AKAP13: variants seen among roughly 807,000 people sequenced by gnomAD.
AKAP13 encodes the protein A-kinase anchoring protein 13, also known as A-kinase anchor protein 13.
AKAP13 carries 80 observed loss-of-function variants against 264.5 expected under a neutral mutation model. That is an observed-to-expected ratio of 0.30 (90% CI 0.25 to 0.36). The LOEUF (loss-of-function observed/expected upper bound fraction) is 0.36. Among genes scored for constraint, AKAP13 ranks in the 10% least tolerant of loss-of-function variants. The pLI is 1.00. For synonymous variants in AKAP13, 1,380 were observed against 1,250.2 expected, an observed-to-expected ratio of 1.10 and a Z score of -2.19; for missense variants, 3,712 against 3,435.2, an observed-to-expected ratio of 1.08 and a Z score of -2.01.
Position 85,410,669 on chromosome 15 carries a change from C to T in AKAP13, c.-12+29871C>T, listed in dbSNP as rs370820873. ...TCAGATTTACCATCTGTCACCTGGACGTGCTTGTGCTGTGCTCTCTGCTTG... is the reference window on the plus strand; with the variant it reads ...TCAGATTTACCATCTGTCACCTGGATGTGCTTGTGCTGTGCTCTCTGCTTG... On this transcript the variant is annotated intron_variant, in intron 1 of 36. Coordinates refer to ENST00000394518, the MANE Select transcript of AKAP13 (RefSeq NM_007200.5). Among the ~76,000 whole-genome samples the T allele has an allele frequency of 2.0e-5, 3 of 151,482 alleles. 1 individual carries two copies. Among genetic ancestry groups the T allele is most frequent in the African/African-American group, 7.3e-5 (3 of 40,820 alleles).
chr15:85,527,064 C>T (rs970946355), intron 3 of AKAP13, among the ~76,000 whole-genome samples: 1 of 151,922 alleles, frequency 6.6e-6, no homozygotes, highest in Admixed American at 6.6e-5. Flanking sequence ...AGGCCATTCT[C>T]CTGCCTCAGC....
At chr15:85,453,517 G>A (rs923647037) in intron 1 of AKAP13, among the ~76,000 whole-genome samples, 4 of 152,352 alleles carry the variant, frequency 2.6e-5, no homozygotes, top group African/African-American at 9.6e-5. Flanking sequence ...GTCCCAGGGA[G>A]GAATGACCTG....
At chr15:85,535,799 C>CTTTTTT (rs60026361) in intron 4 of AKAP13, 1 of 138,300 alleles carries the variant, frequency 7.2e-6, no homozygotes, top group Non-Finnish European at 1.6e-5. Flanking sequence ...CTTTCTCTCT[C>CTTTTTT]TTTTTTTTTT....
Position 85,575,148 on chromosome 15 carries a change from C to G in AKAP13, c.680C>G (p.Pro227Arg). 6.2e-7 allele frequency: 1 copy of G among 1,614,004 alleles called. No homozygotes were observed. Among genetic ancestry groups the G allele is most frequent in the South Asian group, 1.1e-5 (1 of 91,072 alleles). The change falls in exon 6 of 37, where the codon CCA (proline) becomes CGA (arginine). Residue 227 changes from proline (P) to arginine (R), a missense_variant. By Grantham distance (103) the Pro-to-Arg change is moderately radical. Coordinates refer to ENST00000394518, the MANE Select transcript of AKAP13 (RefSeq NM_007200.5). ...QLLTEENAGE[P>R]DSWSSLSYEI... Reference sequence around the variant, plus strand: ...GCATGTAGGGAGAATGCTGGAGAACCAGACTCCTGGAGCAGTTTATCCTAT... The same window carrying G: ...GCATGTAGGGAGAATGCTGGAGAACGAGACTCCTGGAGCAGTTTATCCTAT...
intron 8 of AKAP13, among the ~76,000 whole-genome samples, chr15:85,587,109 C>T (rs1031710228): frequency 2.6e-5 from 4 of 152,154 alleles, no homozygotes; most frequent in Admixed American, 2.0e-4. Flanking sequence ...GCTCTAATTT[C>T]AGAACATTAT....
At chr15:85,397,723 T>A (rs914186055) in intron 1 of AKAP13, among the ~76,000 whole-genome samples, 1 of 152,190 alleles carries the variant, frequency 6.6e-6, no homozygotes, top group Non-Finnish European at 1.5e-5. Flanking sequence ...TATATATACT[T>A]CATTCAGCAT....
rs1042093376 is a variant in AKAP13, at chr15:85,747,668, A to G, written c.*2991A>G. On this transcript the variant is annotated 3_prime_UTR_variant, in exon 37 of 37. Coordinates refer to ENST00000394518, the MANE Select transcript of AKAP13 (RefSeq NM_007200.5). The stretch of plus-strand genomic sequence containing the variant: ...TTGGCTTCATTTTCAAGACAATCAA[A>G]TGTATTGACTGTGTTTTCTTCTTAG... The G allele has an allele frequency of 1.3e-5, 2 of 152,652 alleles. No individual in the cohort carries two copies. The highest frequency in any genetic ancestry group is 4.8e-5 in the African/African-American group (2 of 41,444). 9.5% of individuals were successfully genotyped at this position (152,652 alleles called of 1,614,324 possible). A position where few individuals can be genotyped will look rare whatever the true frequency, so the allele number is the denominator to read the frequency against.
chr15:85,741,172 A>G lies in AKAP13; in HGVS notation c.7735A>G (p.Lys2579Glu). The stretch of plus-strand genomic sequence containing the variant: ...GCAGGAGAAGCAGCGCAGCCTGGAG[A>G]AGCAGCGCCAGGACCTGGCCAACCT... The part of the protein sequence containing the change: ...IEQEKQRSLE[K>E]QRQDLANLQK... The change falls in exon 35 of 37, where the codon AAG becomes GAG. Residue 2579 changes from lysine to glutamate, a missense_variant. By Grantham distance (56) the Lys-to-Glu change is moderately conservative. This residue lies in a region of AKAP13 where 611 missense variants were observed against 539.3 expected (regional missense o/e 1.13). Coordinates refer to ENST00000394518, the MANE Select transcript of AKAP13 (RefSeq NM_007200.5). 1 of 1,612,580 alleles carries G rather than the reference A, an allele frequency of 6.2e-7. No individual in the cohort carries two copies. The highest frequency in any genetic ancestry group is 2.2e-5 in the East Asian group (1 of 44,842).
chr15:85,531,379 A>C (rs2077237086), intron 3 of AKAP13, among the ~76,000 whole-genome samples: 1 of 152,160 alleles, frequency 6.6e-6, no homozygotes, highest in South Asian at 2.1e-4. Flanking sequence ...GAGACTCCTT[A>C]CTTTACTCAT....
At chr15:85,504,527 A>G (rs1296923386) in intron 2 of AKAP13, among the ~76,000 whole-genome samples, 2 of 119,626 alleles carry the variant, frequency 1.7e-5, no homozygotes, top group African/African-American at 3.5e-5. Flanking sequence ...AAAAAAAAAA[A>G]AAAAAAAAGA....
At chr15:85,401,948 A>G (rs2071439070) in intron 1 of AKAP13, among the ~76,000 whole-genome samples, 1 of 152,246 alleles carries the variant, frequency 6.6e-6, no homozygotes, top group Non-Finnish European at 1.5e-5. Flanking sequence ...ATAAATTCTG[A>G]TGTAAAACAT....
rs745671342 is a variant in AKAP13 at position 85,543,891 on chromosome 15, G to A, written c.598G>A (p.Gly200Arg). The change falls in exon 5 of 37, where the codon GGG (glycine) becomes AGG (arginine). Residue 200 changes from glycine to arginine, a missense_variant. By Grantham distance (125) the Gly-to-Arg change is moderately radical (BLOSUM62 -2). Coordinates refer to ENST00000394518, the MANE Select transcript of AKAP13 (RefSeq NM_007200.5). ...AGCTCTCAGTATCCACAACCAGGAA[G>A]GGGCGACGCCTGTGAGCTTGGCCTT... ...RGALSIHNQEGATPVSLALER... is the reference protein window; with the variant it reads ...RGALSIHNQERATPVSLALER... 10 of 1,614,002 alleles carry A rather than the reference G, an allele frequency of 6.2e-6. No individual in the cohort carries two copies. The African/African-American group carries it at 9.3e-5, about 15-fold the overall frequency.
At chr15:85,530,095 A>G (rs555247713) in intron 3 of AKAP13, among the ~76,000 whole-genome samples, 1 of 152,272 alleles carries the variant, frequency 6.6e-6, no homozygotes, top group South Asian at 2.1e-4. Flanking sequence ...ACATCCATCC[A>G]TTCACCTGCT....
At chr15:85,464,112 C>G (rs1440415923) in intron 1 of AKAP13, among the ~76,000 whole-genome samples, 1 of 152,174 alleles carries the variant, frequency 6.6e-6, no homozygotes, top group African/African-American at 2.4e-5. Flanking sequence ...GTCTATGATC[C>G]AACAACCAAA....
At chr15:85,497,016 A>G (rs1480973412) in intron 2 of AKAP13, among the ~76,000 whole-genome samples, 2 of 152,242 alleles carry the variant, frequency 1.3e-5, no homozygotes, top group Non-Finnish European at 2.9e-5. Flanking sequence ...TTTTTAGAAC[A>G]GACAAAGGTA....
intron 2 of AKAP13, among the ~76,000 whole-genome samples, chr15:85,504,746 A>G (rs1422099572): frequency 6.6e-6 from 1 of 151,524 alleles, no homozygotes; most frequent in Non-Finnish European, 1.5e-5. Flanking sequence ...AGCCAAATAT[A>G]TGGTTTTGTT....
intron 16 of AKAP13, among the ~76,000 whole-genome samples, chr15:85,687,513 C>T (rs1242790387): frequency 1.3e-5 from 2 of 152,102 alleles, no homozygotes; most frequent in African/African-American, 4.8e-5. Flanking sequence ...AGATTGGTTC[C>T]TCTTTCAGAC....
chr15:85,618,315 A>T (rs1490476981), intron 8 of AKAP13, among the ~76,000 whole-genome samples: 1 of 152,132 alleles, frequency 6.6e-6, no homozygotes, highest in Non-Finnish European at 1.5e-5. Flanking sequence ...TTTGTTTGCA[A>T]TGTCAACAGA....
intron 20 of AKAP13, among the ~76,000 whole-genome samples, chr15:85,716,538 G>A (rs778698808): frequency 1.3e-5 from 2 of 152,112 alleles, no homozygotes; most frequent in Non-Finnish European, 2.9e-5. Context: ...CCTTCCCGTC[G>A]GGTGAATAAG....
Sources: allele counts gnomAD v4.1 joint callset (sites outside exome capture counted in the v4.1 genomes callset), GRCh38; gene constraint gnomAD v4.1.1; regional missense constraint gnomAD v4.1.1; transcripts MANE v1.5; gene names NCBI Gene and HGNC (gene_info 2026-07-23, HGNC 2026-07-21).